PBX1: variants seen among roughly 807,000 people sequenced by gnomAD.
PBX1 encodes the protein pre-B-cell leukemia transcription factor 1.
PBX1 carries 6 observed loss-of-function variants against 53.4 expected under a neutral mutation model. The observed-to-expected ratio is 0.11, with a 90% CI of 0.06 to 0.22. The LOEUF is 0.22. Ranked by LOEUF, PBX1 falls within the 10% of genes least tolerant of loss-of-function variation. The pLI is 1.00. For missense variants in PBX1, 251 were observed against 551.4 expected (o/e 0.46, Z 5.46); for synonymous variants, 204 against 212.3 (o/e 0.96, Z 0.34).
At chr1:164,746,644 G>A (rs1002925894) in intron 2 of PBX1, among the ~76,000 whole-genome samples, 2 of 152,210 alleles carry the variant, frequency 1.3e-5, no homozygotes, top group Middle Eastern at 3.4e-3. Flanking sequence ...TCTTGACCTC[G>A]TGATCCACCC....
intron 2 of PBX1, among the ~76,000 whole-genome samples, chr1:164,759,951 C>T (rs1271974642): frequency 2.0e-5 from 3 of 152,092 alleles, no homozygotes; most frequent in African/African-American, 7.2e-5. Context: ...GACTAGATCC[C>T]CCTAAAAACC....
At chr1:164,763,789 C>T (rs777162783) in intron 2 of PBX1, among the ~76,000 whole-genome samples, 11 of 152,218 alleles carry the variant, frequency 7.2e-5, no homozygotes, top group Non-Finnish European at 1.6e-4. Flanking sequence ...TCCCAAGCAA[C>T]AGCAACACTG....
At chr1:164,808,215 G>A (rs1050682752) in intron 5 of PBX1, among the ~76,000 whole-genome samples, 4 of 152,182 alleles carry the variant, frequency 2.6e-5, no homozygotes, top group Non-Finnish European at 4.4e-5. Context: ...TGAACAAAAT[G>A]TCACTGAATG....
chr1:164,621,627 C>T (rs1033361665), intron 2 of PBX1, among the ~76,000 whole-genome samples: 1 of 152,118 alleles, frequency 6.6e-6, no homozygotes, highest in Non-Finnish European at 1.5e-5. Context: ...GGCCATCCCT[C>T]TTGTTGCACA....
chr1:164,792,774 C>G (rs1240043858), intron 3 of PBX1, 36 bp downstream of exon 3: 8 of 1,495,256 alleles, frequency 5.4e-6, no homozygotes, highest in Non-Finnish European at 7.3e-6. Flanking sequence ...CACCCAGGCC[C>G]TTTAGGAAAG....
chr1:164,629,560 TA>T (rs1219296226), intron 2 of PBX1, among the ~76,000 whole-genome samples: 1 of 152,224 alleles, frequency 6.6e-6, no homozygotes, highest in African/African-American at 2.4e-5. Flanking sequence ...TGTGTCTTGC[TA>T]AGATCACTCA....
chr1:164,636,904 T>C (rs1208302714), intron 2 of PBX1, among the ~76,000 whole-genome samples: 1 of 152,126 alleles, frequency 6.6e-6, no homozygotes, highest in Non-Finnish European at 1.5e-5. Context: ...GTGTAGGATA[T>C]GGTAGGAGGA....
chr1:164,655,951 G>T (rs1416613535), intron 2 of PBX1, among the ~76,000 whole-genome samples: 1 of 152,170 alleles, frequency 6.6e-6, no homozygotes, highest in Admixed American at 6.6e-5. Flanking sequence ...GAACAAGAAG[G>T]CATGTAGGAT....
intron 2 of PBX1, among the ~76,000 whole-genome samples, chr1:164,681,335 A>G (rs1317099574): frequency 1.3e-5 from 2 of 152,236 alleles, no homozygotes; most frequent in East Asian, 1.9e-4. Context: ...TATGTTTATA[A>G]CATGTACATT....
chr1:164,841,860 C>T (rs896751989), intron 8 of PBX1, among the ~76,000 whole-genome samples: 1 of 152,116 alleles, frequency 6.6e-6, no homozygotes, highest in East Asian at 1.9e-4. Flanking sequence ...GGCTGGAGCA[C>T]GTGCAGCTCC....
Position 164,879,515 on chromosome 1 carries a change from A to G in PBX1, n.258-19673A>G, listed in dbSNP as rs1672595812. 2.6e-5 allele frequency among the ~76,000 whole-genome samples: 4 copies of G among 152,220 alleles called. No individual in the cohort carries two copies. In the South Asian group the frequency reaches 6.2e-4, roughly 24 times the overall value. ...TCATCTTGGGTTTGACATGTAACAG[A>G]AGATCTAAGTGGAAACCTCCAACAG... is the stretch of plus-strand genomic sequence containing the variant. On this transcript the variant is annotated intron_variant and non_coding_transcript_variant, in intron 2 of 2. Coordinates refer to the PBX1 transcript ENST00000558796.
intron 2 of PBX1, among the ~76,000 whole-genome samples, chr1:164,885,264 C>T (rs1043672258): frequency 5.3e-5 from 8 of 152,124 alleles, no homozygotes; most frequent in Non-Finnish European, 1.0e-4. Context: ...TCAAAGACAT[C>T]ATTTAGTATG....
At chr1:164,749,510 A>G (rs918504874) in intron 2 of PBX1, among the ~76,000 whole-genome samples, 2 of 152,204 alleles carry the variant, frequency 1.3e-5, no homozygotes, top group African/African-American at 4.8e-5. Context: ...CTCATCAGCA[A>G]TATAATAGTG....
chr1:164,742,337 T>G (rs1665655496), intron 2 of PBX1, among the ~76,000 whole-genome samples: 2 of 151,674 alleles, frequency 1.3e-5, no homozygotes, highest in Non-Finnish European at 2.9e-5. Flanking sequence ...AGGCCAGGAG[T>G]TCAAGACCAG....
At chr1:164,588,849 C>T (rs1203590749) in intron 2 of PBX1, among the ~76,000 whole-genome samples, 1 of 152,118 alleles carries the variant, frequency 6.6e-6, no homozygotes, top group Admixed American at 6.5e-5. Flanking sequence ...ACCATGCCCT[C>T]CTTTTCCTAA....
intron 2 of PBX1, among the ~76,000 whole-genome samples, chr1:164,598,505 G>C (rs1273232295): frequency 6.6e-6 from 1 of 152,180 alleles, no homozygotes; most frequent in East Asian, 1.9e-4. Flanking sequence ...CTTAGAGATA[G>C]GAGAGACATC....
chr1:164,801,694 A>G (rs1440967628), intron 4 of PBX1, among the ~76,000 whole-genome samples: 1 of 152,226 alleles, frequency 6.6e-6, no homozygotes, highest in Non-Finnish European at 1.5e-5. Context: ...CAATCACTTT[A>G]AGACAGGGTC....
intron 4 of PBX1, among the ~76,000 whole-genome samples, chr1:164,803,956 G>A (rs2102328965): frequency 6.6e-6 from 1 of 152,148 alleles, no homozygotes; most frequent in Admixed American, 6.5e-5. Context: ...ATAGTATCTG[G>A]CATATAATAT....
intron 2 of PBX1, among the ~76,000 whole-genome samples, chr1:164,592,800 G>A (rs1655485118): frequency 6.6e-6 from 1 of 152,088 alleles, no homozygotes; most frequent in Non-Finnish European, 1.5e-5. Flanking sequence ...GACACACCAG[G>A]CTCCCACGCG....
Sources: gnomAD v4.1 joint callset for allele counts (sites outside exome capture counted in the v4.1 genomes callset) on GRCh38, gnomAD v4.1.1 for gene constraint, MANE v1.5 for transcripts, NCBI Gene and HGNC (gene_info 2026-07-23, HGNC 2026-07-21) for gene names.